Variants in PAPPA2 observed in about 807,000 individuals in gnomAD.
PAPPA2 encodes the protein pappalysin-2.
PAPPA2 carries 86 observed loss-of-function variants against 176.4 expected under a neutral mutation model. The observed-to-expected ratio is 0.49, with a 90% confidence interval of 0.41 to 0.58. PAPPA2 has a LOEUF of 0.58. Among genes scored for constraint, PAPPA2 ranks in the 20% least tolerant of loss-of-function variants. The pLI, the probability that PAPPA2 is intolerant of heterozygous loss-of-function variation, is 0.00. For missense variants in PAPPA2, 2,073 were observed against 2,256.9 expected, an observed-to-expected ratio of 0.92 and a Z score of 1.65; for synonymous variants, 809 against 852.2, an observed-to-expected ratio of 0.95 and a Z score of 0.88.
At chr1:176,467,469 C>T (rs1651678820) in intron 1 of PAPPA2, among the ~76,000 whole-genome samples, 1 of 152,216 alleles carries the variant, frequency 6.6e-6, no homozygotes, top group Non-Finnish European at 1.5e-5. Context: ...GCTTCCCCAT[C>T]TGAACTTTGA....
Position 176,556,433 on chromosome 1 carries a change from G to A in PAPPA2, c.111G>A (p.Arg37=), listed in dbSNP as rs1651291795. 4 of 1,614,194 alleles carry A rather than the reference G, an allele frequency of 2.5e-6. No individual in the cohort carries two copies. The highest frequency in any genetic ancestry group is 2.7e-5 in the African/African-American group (2 of 75,050). The part of the protein sequence containing the change: ...GWTRKKSLVE[R]EHLNQVLLEG... The stretch of plus-strand genomic sequence containing the variant: ...CACGCAAGAAATCCTTGGTTGAGAG[G>A]GAACACCTGAATCAGGTGCTGTTGG... The change falls in exon 2 of 23, where the codon AGG becomes AGA. Residue 37 remains arginine (R), a synonymous_variant. Transcript: ENST00000367662.
At chr1:176,621,539 C>CTT (rs2102692100) in intron 3 of PAPPA2, among the ~76,000 whole-genome samples, 1 of 152,252 alleles carries the variant, frequency 6.6e-6, no homozygotes, top group Admixed American at 6.5e-5. Context: ...TTTAGCACAC[C>CTT]AGGCCTTATT....
intron 21 of PAPPA2, among the ~76,000 whole-genome samples, chr1:176,810,922 C>G (rs1228889528): frequency 6.6e-6 from 1 of 152,180 alleles, no homozygotes; most frequent in Non-Finnish European, 1.5e-5. Flanking sequence ...CTTCTCTGAT[C>G]CCGAATCTCT....
chr1:176,691,216 A>C (rs1042582959), intron 5 of PAPPA2: 13 of 960,048 alleles, frequency 1.4e-5, no homozygotes, highest in African/African-American at 1.8e-5. Context: ...TACAATGGTG[A>C]AAGAAGATAT....
chr1:176,682,953 TA>T (rs1451078924), intron 4 of PAPPA2, among the ~76,000 whole-genome samples: 1 of 152,100 alleles, frequency 6.6e-6, no homozygotes, highest in Non-Finnish European at 1.5e-5. Context: ...CTAAAAATTT[TA>T]CAGAACTGTT....
At chr1:176,715,114 A>T (rs1661310019) in intron 12 of PAPPA2, among the ~76,000 whole-genome samples, 1 of 152,118 alleles carries the variant, frequency 6.6e-6, no homozygotes, top group Non-Finnish European at 1.5e-5. Flanking sequence ...ACCCCCTGCC[A>T]CTATGACCTA....
chr1:176,772,073 G>T (rs1277856615), intron 17 of PAPPA2, among the ~76,000 whole-genome samples: 2 of 152,088 alleles, frequency 1.3e-5, no homozygotes, highest in African/African-American at 4.8e-5. Context: ...TCAATATCCA[G>T]CCCAGTGCCT....
In PAPPA2 at chr1:176,699,587, C is replaced by T. The variant is rs748710026; in HGVS notation, c.3234C>T (p.Asp1078=). 1.6e-5 allele frequency: 25 copies of T among 1,597,218 alleles called. 1 individual carries two copies. Among genetic ancestry groups the T allele is most frequent in the South Asian group, 1.3e-4 (12 of 89,618 alleles). The change falls in exon 8 of 23, where the codon GAC becomes GAT. Residue 1078 remains aspartate, a splice_region_variant and synonymous_variant. Coordinates refer to ENST00000367662, the MANE Select transcript of PAPPA2 (RefSeq NM_020318.3). ...CACATTCTCACAGGAAGTTCACGGACGTGTGAGTTTGGTAGCATGACTATG... is the reference window on the plus strand; with the variant it reads ...CACATTCTCACAGGAAGTTCACGGATGTGTGAGTTTGGTAGCATGACTATG... ...VVTHSHRKFT[D]VEVTPGQMYQ...
intron 3 of PAPPA2, among the ~76,000 whole-genome samples, chr1:176,635,676 C>T (rs1656654198): frequency 6.6e-6 from 1 of 152,076 alleles, no homozygotes; most frequent in Non-Finnish European, 1.5e-5. Context: ...GAAATTAATT[C>T]TTCCTGGATT....
chr1:176,748,091 T>C (rs1354397030), intron 14 of PAPPA2, among the ~76,000 whole-genome samples: 2 of 152,222 alleles, frequency 1.3e-5, no homozygotes, highest in Non-Finnish European at 2.9e-5. Flanking sequence ...TAGAAGCATG[T>C]CACTTGTCCC....
chr1:176,730,121 A>G (rs558460012), intron 12 of PAPPA2, among the ~76,000 whole-genome samples: 1 of 151,986 alleles, frequency 6.6e-6, no homozygotes, highest in African/African-American at 2.4e-5. Flanking sequence ...GAATATTCCA[A>G]TTATAGAAGC....
At chr1:176,520,065 C>G (rs1649128568) in intron 1 of PAPPA2, among the ~76,000 whole-genome samples, 1 of 152,158 alleles carries the variant, frequency 6.6e-6, no homozygotes, top group South Asian at 2.1e-4. Context: ...AGAATTTTGG[C>G]TGCACAGAGA....
intron 15 of PAPPA2, among the ~76,000 whole-genome samples, chr1:176,767,056 T>C (rs1480040050): frequency 6.6e-6 from 1 of 152,136 alleles, no homozygotes. Context: ...TTAATATACC[T>C]TGAGGCACCA....
intron 12 of PAPPA2, among the ~76,000 whole-genome samples, chr1:176,713,147 G>C (rs549485510): frequency 6.6e-6 from 1 of 151,180 alleles, no homozygotes; most frequent in Non-Finnish European, 1.5e-5. Flanking sequence ...ATCTTTAGAC[G>C]AATTCAAGTT....
chr1:176,648,440 A>G (rs1478040855), intron 3 of PAPPA2, among the ~76,000 whole-genome samples: 2 of 151,366 alleles, frequency 1.3e-5, no homozygotes, highest in African/African-American at 4.8e-5. Context: ...TCTCTTGCCT[A>G]ACTGTTCTGG....
chr1:176,595,527 C>G lies in PAPPA2; in HGVS notation c.1923C>G (p.Asp641Glu). 6.2e-7 allele frequency: 1 copy of G among 1,614,130 alleles called. No individual in the cohort carries two copies. The highest frequency in any genetic ancestry group is 1.1e-5 in the South Asian group (1 of 91,084). The change falls in exon 3 of 23, where the codon GAC (aspartate) becomes GAG (glutamate). Residue 641 changes from aspartate (D) to glutamate (E), a missense_variant. Transcript: ENST00000367662. ...ACAACATGCTGAACGACTTTGACGA[C>G]GGAGACTGCTGCGACCCCCAGGTGG... ...ECNNMLNDFD[D>E]GDCCDPQVAD...
intron 4 of PAPPA2, among the ~76,000 whole-genome samples, chr1:176,678,929 G>A (rs114443010): frequency 0.022 from 3,384 of 152,076 alleles, 87 homozygotes; most frequent in African/African-American, 0.061. Context: ...GATTTTGATC[G>A]GTAGAGATTT....
At chr1:176,608,366 G>C (rs992969026) in intron 3 of PAPPA2, among the ~76,000 whole-genome samples, 26 of 152,212 alleles carry the variant, frequency 1.7e-4, no homozygotes, top group Admixed American at 5.2e-4. Context: ...AATCTATGCT[G>C]TGTTACTTCT....
At chr1:176,836,211 G>A (rs1322869768) in intron 21 of PAPPA2, among the ~76,000 whole-genome samples, 2 of 152,156 alleles carry the variant, frequency 1.3e-5, no homozygotes, top group African/African-American at 4.8e-5. Flanking sequence ...AAATTGAAGT[G>A]GCTCTGATTT....
Sources: allele counts gnomAD v4.1 joint callset (sites outside exome capture counted in the v4.1 genomes callset), GRCh38; gene constraint gnomAD v4.1.1; transcripts MANE v1.5; gene names NCBI Gene and HGNC (gene_info 2026-07-23, HGNC 2026-07-21).